The following SYNE1 variants were observed in gnomAD, a reference collection of about 807,000 sequenced individuals.
SYNE1 encodes the protein nesprin-1.
A neutral mutation model predicts 1,111.0 loss-of-function variants in SYNE1; 616 were observed. The observed-to-expected ratio is 0.55, with a 90% CI of 0.52 to 0.59. SYNE1 has a LOEUF of 0.59. SYNE1 is among the 20% of genes least tolerant of loss of function. SYNE1 has a pLI of 0.00. For synonymous variants in SYNE1, 3,855 were observed against 3,825.8 expected (o/e 1.01, Z -0.28); for missense variants, 10,006 against 10,417.0 (o/e 0.96, Z 1.72).
chr6:152,509,314 A>G (rs1246166436), intron 8 of SYNE1, among the ~76,000 whole-genome samples: 1 of 148,762 alleles, frequency 6.7e-6, no homozygotes, highest in Non-Finnish European at 1.5e-5. Flanking sequence ...GCAATGGCAC[A>G]ATCTTGATCT....
At chr6:152,379,896 G>A (rs4870105) in intron 56 of SYNE1, among the ~76,000 whole-genome samples, 36,123 of 152,024 alleles carry the variant, frequency 0.24, 7,017 homozygotes, top group African/African-American at 0.53. Context: ...ATTTCACTCT[G>A]TGACTGGAAT....
intron 41 of SYNE1, 24 bp downstream of exon 41, chr6:152,416,363 T>C: frequency 1.2e-6 from 2 of 1,612,890 alleles, no homozygotes; most frequent in Non-Finnish European, 1.7e-6. Flanking sequence ...AAGAGACAAG[T>C]GGCCGTGACA....
chr6:152,631,423 T>G (rs1054408598), intron 2 of SYNE1, among the ~76,000 whole-genome samples: 13 of 152,146 alleles, frequency 8.5e-5, no homozygotes, highest in African/African-American at 2.9e-4. Flanking sequence ...CGCAGGGCCC[T>G]GAGTGCTATG....
chr6:152,127,359 G>A (rs1375302971), intron 145 of SYNE1: 2 of 152,078 alleles, frequency 1.3e-5, no homozygotes, highest in African/African-American at 2.4e-5. Context: ...GTTAAATGAG[G>A]TAAAACACAT....
At chr6:152,592,261 A>C (rs1378312872) in intron 3 of SYNE1, among the ~76,000 whole-genome samples, 1 of 152,096 alleles carries the variant, frequency 6.6e-6, no homozygotes, top group East Asian at 1.9e-4. Flanking sequence ...AGACACATGC[A>C]CTCATAGGTT....
In SYNE1 at chr6:152,140,211, G is replaced by A. The variant is rs776944394; in HGVS notation, c.25247-50C>T. The A allele has an allele frequency of 1.9e-6, 3 of 1,585,974 alleles. No homozygotes were observed. In the South Asian group the frequency reaches 3.3e-5, roughly 18 times the overall value. ...GAGGTTATTTTCCTCTACATGTGATGTTTATGAAATGCTTTAAACATAGGT... is the reference window on the plus strand; with the variant it reads ...GAGGTTATTTTCCTCTACATGTGATATTTATGAAATGCTTTAAACATAGGT... On this transcript the variant is annotated intron_variant, in intron 139 of 145. Transcript: ENST00000367255.
In SYNE1 at chr6:152,151,685, A is replaced by G. The variant is rs1563052200; in HGVS notation, c.24318T>C (p.Phe8106=). Residue 8106 remains phenylalanine (F), a synonymous_variant, in exon 135 of 146, where the codon TTT becomes TTC. Coordinates refer to ENST00000367255, the MANE Select transcript of SYNE1 (RefSeq NM_182961.4). The stretch of plus-strand genomic sequence containing the variant: ...TCTCAAACTCCTCACGCTGGCCAAT[A>G]AAATGCTGGAAGGCAAGAGGAAAGT... ...VTSILRRLKH[F]IGQREEFETA... is the part of the protein sequence containing the mutation. 1 of 1,614,040 alleles carries G rather than the reference A, an allele frequency of 6.2e-7. No individual in the cohort carries two copies. Among genetic ancestry groups the G allele is most frequent in the Non-Finnish European group, 8.5e-7 (1 of 1,179,954 alleles).
intron 3 of SYNE1, among the ~76,000 whole-genome samples, chr6:152,591,041 T>G (rs1274169725): frequency 6.6e-6 from 1 of 152,202 alleles, no homozygotes; most frequent in East Asian, 1.9e-4. Flanking sequence ...TTCCATTTAT[T>G]TATGTTGTCT....
At chr6:152,595,221 A>G (rs558679886) in intron 3 of SYNE1, among the ~76,000 whole-genome samples, 2 of 152,274 alleles carry the variant, frequency 1.3e-5, no homozygotes, top group East Asian at 3.9e-4. Context: ...TATGCTCCCA[A>G]ATCATAAACA....
At chr6:152,434,191 C>G (rs1235687727) in intron 33 of SYNE1, 1 of 506,660 alleles carries the variant, frequency 2.0e-6, no homozygotes, top group Non-Finnish European at 3.5e-6. Context: ...GCACTTTGAA[C>G]AAAACATTGC....
chr6:152,488,375 A>G (rs2098952396), intron 12 of SYNE1, 21 bp downstream of exon 12: 1 of 1,408,046 alleles, frequency 7.1e-7, no homozygotes, highest in Non-Finnish European at 1.0e-6. Context: ...GAAAAATTCA[A>G]AAATCTTCTC....
chr6:152,305,185 AAG>A (rs2095332718), intron 91 of SYNE1, among the ~76,000 whole-genome samples: 1 of 152,218 alleles, frequency 6.6e-6, no homozygotes, highest in African/African-American at 2.4e-5. Flanking sequence ...GCGGAAAGAA[AAG>A]AGGTGTGAGT....
chr6:152,586,407 C>T (rs543111345), intron 3 of SYNE1, among the ~76,000 whole-genome samples: 68 of 152,198 alleles, frequency 4.5e-4, no homozygotes, highest in African/African-American at 1.6e-3. Context: ...ATAATTTCTC[C>T]GCATTTGATA....
At chr6:152,318,784 A>AT in intron 85 of SYNE1, 79 bp downstream of exon 85, 6 of 1,560,084 alleles carry the variant, frequency 3.8e-6, no homozygotes, top group Non-Finnish European at 4.4e-6. Context: ...AAAGGTTTTT[A>AT]TCCTATATCC....
chr6:152,184,570 T>C (rs2069148578), intron 128 of SYNE1, among the ~76,000 whole-genome samples: 1 of 152,120 alleles, frequency 6.6e-6, no homozygotes, highest in African/African-American at 2.4e-5. Context: ...TTTAAATTTT[T>C]TTTCCTCCCT....
intron 12 of SYNE1, 125 bp from the exon 13 acceptor site, chr6:152,485,097 A>G: frequency 8.9e-7 from 1 of 1,121,068 alleles, no homozygotes. Context: ...GTTGATAATA[A>G]TAACGGTAGT....
intron 135 of SYNE1, among the ~76,000 whole-genome samples, chr6:152,150,484 G>A (rs2060217268): frequency 6.6e-6 from 1 of 152,184 alleles, no homozygotes; most frequent in Admixed American, 6.5e-5. Context: ...GAGGAATCAG[G>A]GGAGAGGGTG....
intron 100 of SYNE1, 29 bp downstream of exon 100, chr6:152,268,027 A>G: frequency 6.4e-7 from 1 of 1,559,314 alleles, no homozygotes; most frequent in South Asian, 1.1e-5. Context: ...AACACAATGA[A>G]GAGAAAATGG....
chr6:152,335,491 T>C (rs2096364886), intron 76 of SYNE1: 1 of 152,172 alleles, frequency 6.6e-6, no homozygotes, highest in South Asian at 2.1e-4. Flanking sequence ...TTCACAAATT[T>C]TTTTAAAAAA....
Sources: gnomAD v4.1 joint callset for allele counts (sites outside exome capture counted in the v4.1 genomes callset) on GRCh38, gnomAD v4.1.1 for gene constraint, MANE v1.5 for transcripts, NCBI Gene and HGNC (gene_info 2026-07-23, HGNC 2026-07-21) for gene names.